The following CNIH3 variants were observed in gnomAD, a reference collection of about 807,000 sequenced individuals.
The protein encoded by CNIH3 is cornichon family AMPA receptor auxiliary protein 3, also known as protein cornichon homolog 3.
Under a neutral mutation model 24.1 loss-of-function variants are expected in CNIH3, and 14 were observed. That is an observed-to-expected ratio of 0.58 (90% confidence interval 0.38 to 0.91). The LOEUF (loss-of-function observed/expected upper bound fraction) is 0.91, where lower values mean the gene tolerates loss of function less well. CNIH3 is among the 40% of genes least tolerant of loss of function. CNIH3 has a pLI of 0.00. For missense variants in CNIH3, 178 were observed against 196.8 expected, an observed-to-expected ratio of 0.90 and a Z score of 0.57; for synonymous variants, 68 against 73.8, an observed-to-expected ratio of 0.92 and a Z score of 0.40.
At chr1:224,456,456 G>A (rs1208830570) in intron 1 of CNIH3, among the ~76,000 whole-genome samples, 1 of 152,166 alleles carries the variant, frequency 6.6e-6, no homozygotes, top group African/African-American at 2.4e-5. Flanking sequence ...TGTTGCCTGG[G>A]CTGGAGTGCG....
chr1:224,600,190 ATT>A (rs774919398), intron 3 of CNIH3, among the ~76,000 whole-genome samples: 11 of 134,840 alleles, frequency 8.2e-5, no homozygotes, highest in Admixed American at 7.4e-5. Context: ...TCTCATCTAC[ATT>A]TTTTTTTTTT....
At chr1:224,597,493 T>G (rs1028895555) in intron 3 of CNIH3, among the ~76,000 whole-genome samples, 2 of 152,208 alleles carry the variant, frequency 1.3e-5, no homozygotes, top group Non-Finnish European at 2.9e-5. Flanking sequence ...CCAATCACAT[T>G]TCTACATGGT....
chr1:224,622,910 G>T (rs1216238187), intron 1 of CNIH3, among the ~76,000 whole-genome samples: 1 of 152,174 alleles, frequency 6.6e-6, no homozygotes, highest in Non-Finnish European at 1.5e-5. Context: ...CTGCAAACAG[G>T]TTCCTCTGGG....
chr1:224,578,516 G>A (rs1426860363), intron 4 of CNIH3, among the ~76,000 whole-genome samples: 1 of 152,090 alleles, frequency 6.6e-6, no homozygotes, highest in African/African-American at 2.4e-5. Flanking sequence ...CCTGTATTCC[G>A]TATCCATTGT....
At chr1:224,519,481 T>C (rs529561003) in intron 1 of CNIH3, among the ~76,000 whole-genome samples, 1 of 151,938 alleles carries the variant, frequency 6.6e-6, no homozygotes, top group Non-Finnish European at 1.5e-5. Context: ...ATTGCGGGAG[T>C]TCTCAAAATT....
chr1:224,675,141 G>A (rs1206308802), intron 1 of CNIH3, among the ~76,000 whole-genome samples: 1 of 152,182 alleles, frequency 6.6e-6, no homozygotes, highest in African/African-American at 2.4e-5. Flanking sequence ...GAGAAAAAAA[G>A]CAGGGGAGAT....
chr1:224,482,763 C>T (rs550850558), intron 1 of CNIH3, among the ~76,000 whole-genome samples: 5 of 152,184 alleles, frequency 3.3e-5, no homozygotes, highest in Admixed American at 2.6e-4. Flanking sequence ...CTCATTAGGT[C>T]GTGTGCTCCT....
intron 4 of CNIH3, among the ~76,000 whole-genome samples, chr1:224,733,574 T>C (rs983187295): frequency 2.0e-5 from 3 of 152,216 alleles, no homozygotes; most frequent in African/African-American, 7.2e-5. Context: ...ATCTGCGAGT[T>C]GCTACATTGC....
intron 4 of CNIH3, 102 bp downstream of exon 4, chr1:224,730,676 A>G (rs1689281687): frequency 2.9e-6 from 2 of 690,914 alleles, no homozygotes; most frequent in South Asian, 1.8e-5. Context: ...TTGCCTTCCA[A>G]TCATCCCTTC....
intron 3 of CNIH3, among the ~76,000 whole-genome samples, chr1:224,692,996 A>G (rs1322774997): frequency 1.3e-5 from 2 of 152,170 alleles, no homozygotes; most frequent in African/African-American, 2.4e-5. Flanking sequence ...TCTTTTTCTA[A>G]TTTCATTTAA....
At chr1:224,558,965 A>G (rs1342087531) in intron 3 of CNIH3, among the ~76,000 whole-genome samples, 1 of 152,208 alleles carries the variant, frequency 6.6e-6, no homozygotes, top group Non-Finnish European at 1.5e-5. Context: ...TTAAGAAATA[A>G]ATGTATTTGA....
chr1:224,720,252 C>CTTTTTTT (rs10625559), intron 3 of CNIH3, among the ~76,000 whole-genome samples: 1 of 142,084 alleles, frequency 7.0e-6, no homozygotes. Flanking sequence ...GGATAGTCAT[C>CTTTTTTT]TTTTTTTTTT....
intron 1 of CNIH3, among the ~76,000 whole-genome samples, chr1:224,471,720 G>A (rs1459223420): frequency 1.3e-5 from 2 of 151,816 alleles, no homozygotes; most frequent in Non-Finnish European, 2.9e-5. Flanking sequence ...CTCCTAAGTA[G>A]CTGGGACTAC....
chr1:224,522,572 A>G (rs1678681007), intron 2 of CNIH3, among the ~76,000 whole-genome samples: 1 of 152,224 alleles, frequency 6.6e-6, no homozygotes, highest in African/African-American at 2.4e-5. Context: ...TCAGTAAATC[A>G]CAAAAGGACA....
At chr1:224,724,465 G>A (rs553938470) in intron 3 of CNIH3, among the ~76,000 whole-genome samples, 6 of 152,340 alleles carry the variant, frequency 3.9e-5, no homozygotes, top group Admixed American at 6.5e-5. Flanking sequence ...AGATGCTCAC[G>A]TGCATGATTA....
intron 1 of CNIH3, among the ~76,000 whole-genome samples, chr1:224,518,360 G>A (rs1678481361): frequency 6.6e-6 from 1 of 152,116 alleles, no homozygotes; most frequent in Admixed American, 6.5e-5. Flanking sequence ...TTAGAGACAA[G>A]GTCTCTGTCA....
chr1:224,446,627 C>A (rs1204577484), intron 1 of CNIH3, among the ~76,000 whole-genome samples: 1 of 152,184 alleles, frequency 6.6e-6, no homozygotes, highest in African/African-American at 2.4e-5. Flanking sequence ...CAGTAGTATT[C>A]TTTAGTCTTG....
intron 1 of CNIH3, among the ~76,000 whole-genome samples, chr1:224,456,680 G>T (rs1324454363): frequency 2.6e-5 from 4 of 152,184 alleles, no homozygotes; most frequent in Non-Finnish European, 5.9e-5. Flanking sequence ...GAAAGTGCCG[G>T]GATTACAGGC....
At chr1:224,560,319 G>A (rs1422479352) in intron 3 of CNIH3, among the ~76,000 whole-genome samples, 1 of 152,098 alleles carries the variant, frequency 6.6e-6, no homozygotes, top group East Asian at 1.9e-4. Flanking sequence ...CAAAGTGGTG[G>A]AATCATTTTA....
Sources: allele counts gnomAD v4.1 joint callset (sites outside exome capture counted in the v4.1 genomes callset), GRCh38; gene constraint gnomAD v4.1.1; transcripts MANE v1.5; gene names NCBI Gene and HGNC (gene_info 2026-07-23, HGNC 2026-07-21).